The following GAREM1 variants were observed in gnomAD, a reference collection of about 807,000 sequenced individuals.
The protein encoded by GAREM1 is GRB2 associated regulator of MAPK1 subtype 1.
In GAREM1, 26 loss-of-function variants were observed where a neutral mutation model predicts 71.3. That is an observed-to-expected ratio of 0.36 (90% confidence interval 0.27 to 0.51). The LOEUF (loss-of-function observed/expected upper bound fraction) is 0.51. Among genes scored for constraint, GAREM1 ranks in the 20% least tolerant of loss-of-function variants. GAREM1 has a pLI of 0.95. For missense variants in GAREM1, 1,026 were observed against 1,103.1 expected (o/e 0.93, Z 0.99); for synonymous variants, 440 against 433.2 (o/e 1.02, Z -0.20).
intron 3 of GAREM1, among the ~76,000 whole-genome samples, chr18:32,306,726 T>C (rs1008492548): frequency 6.6e-6 from 1 of 152,130 alleles, no homozygotes; most frequent in African/African-American, 2.4e-5. Context: ...TACTTGGAGG[T>C]AGTACTGATA....
In GAREM1 at chr18:32,400,367, A is replaced by G. The variant is rs1310775664; in HGVS notation, c.122-7332T>C. Among the ~76,000 whole-genome samples, 3 of 152,326 alleles carry G rather than the reference A, an allele frequency of 2.0e-5. No individual in the cohort carries two copies. The East Asian group carries it at 5.8e-4, about 29-fold the overall frequency. ...GAGCTTCTGCACAGCAAAAGAAACT[A>G]CCATCAGAGTGAATAGGCAACCTAC... On this transcript the variant is annotated intron_variant, in intron 1 of 5. Coordinates refer to ENST00000269209, the MANE Select transcript of GAREM1 (RefSeq NM_001242409.2).
In GAREM1 at chr18:32,265,282, A is replaced by T. The variant is rs2041357331; in HGVS notation, c.*2589T>A. On this transcript the variant is annotated 3_prime_UTR_variant, in exon 6 of 6. Coordinates refer to ENST00000269209, the MANE Select transcript of GAREM1 (RefSeq NM_001242409.2). ...TAAAAAAAACAAAAAACAAAAAACA[A>T]AAAAACAACAACACTAGGCAATGAG... The T allele has an allele frequency of 6.6e-6, 1 of 152,024 alleles. No homozygotes were observed. Among genetic ancestry groups the T allele is most frequent in the Non-Finnish European group, 1.5e-5 (1 of 68,132 alleles). The allele number at this position is 152,024 out of a possible 1,614,324, so 9.4% of individuals were successfully genotyped here. A position where few individuals can be genotyped will look rare whatever the true frequency, so the allele number is the denominator to read the frequency against.
At chr18:32,311,296 T>G (rs1171223540) in intron 2 of GAREM1, among the ~76,000 whole-genome samples, 1 of 152,210 alleles carries the variant, frequency 6.6e-6, no homozygotes, top group Non-Finnish European at 1.5e-5. Context: ...AATTAAAAGC[T>G]ATCATGGGAA....
chr18:32,321,646 G>A (rs548748039), intron 2 of GAREM1, among the ~76,000 whole-genome samples: 11 of 152,228 alleles, frequency 7.2e-5, no homozygotes, highest in Non-Finnish European at 1.2e-4. Flanking sequence ...GACCATAAAA[G>A]TCAGAAAGGA....
intron 1 of GAREM1, among the ~76,000 whole-genome samples, chr18:32,396,960 G>A (rs948544682): frequency 1.8e-4 from 28 of 152,082 alleles, no homozygotes; most frequent in African/African-American, 5.8e-4. Context: ...CGGATCTCTC[G>A]GCAGAAACTC....
chr18:32,362,161 T>G (rs1468653322), intron 2 of GAREM1, among the ~76,000 whole-genome samples: 1 of 152,190 alleles, frequency 6.6e-6, no homozygotes, highest in Non-Finnish European at 1.5e-5. Context: ...CCAGATGTTC[T>G]AGCTCCAAGG....
chr18:32,316,024 C>T (rs1280985367), intron 2 of GAREM1, among the ~76,000 whole-genome samples: 2 of 152,106 alleles, frequency 1.3e-5, no homozygotes, highest in Non-Finnish European at 2.9e-5. Flanking sequence ...TTTTGGCATA[C>T]AGAACAAATG....
chr18:32,283,478 C>T (rs1227317722), intron 4 of GAREM1, among the ~76,000 whole-genome samples: 2 of 151,992 alleles, frequency 1.3e-5, no homozygotes, highest in African/African-American at 4.8e-5. Context: ...ACCCGGGAGA[C>T]GGAGGTTGCA....
intron 1 of GAREM1, among the ~76,000 whole-genome samples, chr18:32,404,048 C>T (rs2048342731): frequency 6.6e-6 from 1 of 152,136 alleles, no homozygotes; most frequent in Admixed American, 6.5e-5. Flanking sequence ...GAATATTTCT[C>T]CCTGGACATT....
At chr18:32,377,904 A>T (rs189479182) in intron 2 of GAREM1, among the ~76,000 whole-genome samples, 1 of 152,202 alleles carries the variant, frequency 6.6e-6, no homozygotes, top group East Asian at 1.9e-4. Context: ...GGTCAAATGC[A>T]TCAAATGATT....
chr18:32,458,109 T>A (rs960840480), intron 1 of GAREM1, among the ~76,000 whole-genome samples: 1 of 152,288 alleles, frequency 6.6e-6, no homozygotes, highest in African/African-American at 2.4e-5. Context: ...CTATCTCTTA[T>A]CTAATTACCC....
At chr18:32,296,679 GTTATTA>G (rs72175770) in intron 3 of GAREM1, among the ~76,000 whole-genome samples, 12,753 of 149,332 alleles carry the variant, frequency 0.085, 1,021 homozygotes, top group African/African-American at 0.21. Context: ...CAAGTTTTCA[GTTATTA>G]TTATTATTTT....
intron 1 of GAREM1, among the ~76,000 whole-genome samples, chr18:32,460,118 A>T (rs1316375136): frequency 6.2e-5 from 6 of 96,360 alleles, no homozygotes; most frequent in Non-Finnish European, 1.1e-4. Context: ...TCTTATTTAA[A>T]AAAAAAAAAA....
intron 4 of GAREM1, among the ~76,000 whole-genome samples, chr18:32,280,216 CAAAAT>C (rs1186620714): frequency 1.3e-5 from 2 of 152,094 alleles, no homozygotes. Flanking sequence ...AGCCCAAAGA[CAAAAT>C]AAAATAAAAA....
At chr18:32,298,951 A>T (rs193210535) in intron 3 of GAREM1, among the ~76,000 whole-genome samples, 1,534 of 151,478 alleles carry the variant, frequency 0.01, 9 homozygotes, top group Non-Finnish European at 0.013. Flanking sequence ...ATATATATAT[A>T]TTTTTTTTAA....
intron 3 of GAREM1, among the ~76,000 whole-genome samples, chr18:32,297,297 C>T (rs2047151661): frequency 6.6e-6 from 1 of 152,188 alleles, no homozygotes. Context: ...AGTGTAGTGA[C>T]TTCAGACAAA....
chr18:32,309,230 GGCTT>G lies in GAREM1; in HGVS notation c.393+959_393+962del, dbSNP rs2047288751. ...AGGCAATACGATGGGCCTGGTTGGT[GGCTT>G]GCTTCTCTGGTCAGTCCCTCTTCAA... is the stretch of plus-strand genomic sequence containing the variant. On this transcript the variant is annotated intron_variant, in intron 3 of 5. Transcript: ENST00000269209. Among the ~76,000 whole-genome samples, 8 of 149,928 alleles carry G rather than the reference GGCTT, an allele frequency of 5.3e-5. No individual in the cohort carries two copies. In the South Asian group the frequency reaches 1.7e-3, roughly 32 times the overall value.
chr18:32,407,418 A>C (rs1372304689), intron 1 of GAREM1, among the ~76,000 whole-genome samples: 1 of 152,226 alleles, frequency 6.6e-6, no homozygotes, highest in African/African-American at 2.4e-5. Context: ...GGGCAACAAG[A>C]GTGAAACTCT....
intron 1 of GAREM1, among the ~76,000 whole-genome samples, chr18:32,400,060 C>T (rs1312782845): frequency 2.0e-5 from 3 of 152,138 alleles, no homozygotes; most frequent in African/African-American, 7.2e-5. Context: ...CTAACAAAAA[C>T]AAGCAATGGG....
Sources: allele counts gnomAD v4.1 joint callset (sites outside exome capture counted in the v4.1 genomes callset), GRCh38; gene constraint gnomAD v4.1.1; transcripts MANE v1.5; gene names NCBI Gene and HGNC (gene_info 2026-07-23, HGNC 2026-07-21).